NEDD4: variants seen among roughly 807,000 people sequenced by gnomAD.
The protein encoded by NEDD4 is E3 ubiquitin-protein ligase NEDD4.
NEDD4 carries 99 observed loss-of-function variants against 144.9 expected under a neutral mutation model. The observed-to-expected ratio is 0.68, with a 90% confidence interval of 0.58 to 0.81. The LOEUF (loss-of-function observed/expected upper bound fraction) is 0.81. NEDD4 is among the 30% of genes least tolerant of loss of function. The pLI is 0.00. For synonymous variants in NEDD4, 318 were observed against 350.6 expected, an observed-to-expected ratio of 0.91 and a Z score of 1.04; for missense variants, 985 against 1,065.9, an observed-to-expected ratio of 0.92 and a Z score of 1.06.
At chr15:55,968,297 T>G (rs1206340352) in intron 1 of NEDD4, among the ~76,000 whole-genome samples, 1 of 152,086 alleles carries the variant, frequency 6.6e-6, no homozygotes, top group African/African-American at 2.4e-5. Context: ...AAAGAAATTT[T>G]TAAAAGTTCA....
intron 5 of NEDD4, among the ~76,000 whole-genome samples, chr15:55,921,338 T>C (rs1211752354): frequency 6.6e-6 from 1 of 151,948 alleles, no homozygotes; most frequent in African/African-American, 2.4e-5. Flanking sequence ...TTTTTTTTTT[T>C]CGCCGAGACG....
chr15:55,925,729 C>A (rs1397491139), intron 4 of NEDD4, among the ~76,000 whole-genome samples: 2 of 152,164 alleles, frequency 1.3e-5, no homozygotes, highest in African/African-American at 4.8e-5. Flanking sequence ...ATACCTAACT[C>A]AGTGTCTACT....
At chr15:55,881,931 C>A (rs1292057428) in intron 5 of NEDD4, among the ~76,000 whole-genome samples, 1 of 152,072 alleles carries the variant, frequency 6.6e-6, no homozygotes, top group East Asian at 1.9e-4. Flanking sequence ...GTCAGTAGTA[C>A]CCGCCCTCCA....
At chr15:55,916,713 C>T (rs764424614) in intron 5 of NEDD4, 2 of 1,614,016 alleles carry the variant, frequency 1.2e-6, no homozygotes, top group East Asian at 2.2e-5. Context: ...CGTTGAAATC[C>T]GTGTTGGTCT....
intron 1 of NEDD4, chr15:55,991,831 G>C (rs2037993279): frequency 6.6e-6 from 1 of 152,234 alleles, no homozygotes; most frequent in Admixed American, 6.5e-5. Flanking sequence ...CAGCTGGGCA[G>C]AGGGGTGATG....
Position 55,923,838 on chromosome 15 carries a change from T to TA in NEDD4, c.291+807dup, listed in dbSNP as rs67519209. Among the ~76,000 whole-genome samples, 172 of 150,508 alleles carry TA rather than the reference T, an allele frequency of 1.1e-3. No homozygotes were observed. The East Asian group carries it at 0.016, about 14-fold the overall frequency. ...TTAACACTAAAAACAGACTTTTTTTTAAAAAAAAAGCTAGTTTCTCTGTTA... is the reference window on the plus strand; with the variant it reads ...TTAACACTAAAAACAGACTTTTTTTTAAAAAAAAAAGCTAGTTTCTCTGTTA... On this transcript the variant is annotated intron_variant, in intron 5 of 28. Coordinates refer to ENST00000435532, the MANE Select transcript of NEDD4 (RefSeq NM_006154.4).
At chr15:55,956,305 T>C (rs1428723023) in intron 2 of NEDD4, among the ~76,000 whole-genome samples, 1 of 152,238 alleles carries the variant, frequency 6.6e-6, no homozygotes, top group Admixed American at 6.5e-5. Context: ...AGAAAAGTTT[T>C]AATTGTGTTG....
chr15:55,982,627 T>C (rs151295682), intron 1 of NEDD4, among the ~76,000 whole-genome samples: 3 of 152,302 alleles, frequency 2.0e-5, no homozygotes, highest in East Asian at 1.9e-4. Flanking sequence ...CATTCTGGAA[T>C]GATGGGAATA....
intron 5 of NEDD4, among the ~76,000 whole-genome samples, chr15:55,911,692 G>A (rs2036281175): frequency 6.6e-6 from 1 of 151,918 alleles, no homozygotes; most frequent in African/African-American, 2.4e-5. Flanking sequence ...ACCATGCCCG[G>A]CTAATTTTTG....
chr15:55,853,315 C>T (rs527593934), intron 12 of NEDD4, among the ~76,000 whole-genome samples: 1 of 152,188 alleles, frequency 6.6e-6, no homozygotes, highest in South Asian at 2.1e-4. Context: ...ATAAAACATA[C>T]CAACAATAAC....
At chr15:55,840,552 CA>C in intron 20 of NEDD4, 35 bp from the exon 21 acceptor site, 1 of 1,613,250 alleles carries the variant, frequency 6.2e-7, no homozygotes, top group South Asian at 1.1e-5. Context: ...GGATGATTAC[CA>C]AGTGAAAGAA....
At chr15:55,956,609 C>T (rs2037342048) in intron 2 of NEDD4, among the ~76,000 whole-genome samples, 1 of 152,124 alleles carries the variant, frequency 6.6e-6, no homozygotes, top group Non-Finnish European at 1.5e-5. Context: ...TATTCTCTCT[C>T]TCGCTCTCTC....
chr15:55,989,019 T>C (rs2037944602), intron 1 of NEDD4, among the ~76,000 whole-genome samples: 2 of 152,184 alleles, frequency 1.3e-5, no homozygotes, highest in Non-Finnish European at 2.9e-5. Context: ...GCGGATCATC[T>C]GAGGTCAGGA....
intron 5 of NEDD4, among the ~76,000 whole-genome samples, chr15:55,903,606 C>T (rs898323338): frequency 6.6e-6 from 1 of 151,352 alleles, no homozygotes; most frequent in East Asian, 2.0e-4. Context: ...GGGTGGATCA[C>T]GAGGTCAGGA....
intron 5 of NEDD4, among the ~76,000 whole-genome samples, chr15:55,911,637 C>T (rs1376873721): frequency 6.6e-6 from 1 of 151,910 alleles, no homozygotes; most frequent in African/African-American, 2.4e-5. Flanking sequence ...CCACGCCATT[C>T]TCCTGCCTCA....
At chr15:55,840,820 C>T in intron 19 of NEDD4, 93 bp from the exon 20 acceptor site, 7 of 1,287,348 alleles carry the variant, frequency 5.4e-6, no homozygotes, top group East Asian at 2.3e-5. Context: ...AGTTGTTTAC[C>T]ACTGTTAGAA....
At chr15:55,942,353 T>C (rs2037023206) in intron 4 of NEDD4, among the ~76,000 whole-genome samples, 1 of 152,218 alleles carries the variant, frequency 6.6e-6, no homozygotes, top group Non-Finnish European at 1.5e-5. Flanking sequence ...TTTGGAATTA[T>C]GTCTCTGCCA....
At chr15:55,883,882 CT>C (rs71110349) in intron 5 of NEDD4, among the ~76,000 whole-genome samples, 65 of 140,904 alleles carry the variant, frequency 4.6e-4, no homozygotes, top group East Asian at 1.0e-3. Context: ...AGTGGCACTT[CT>C]TTTTTTTTTT....
At chr15:55,907,902 T>C (rs1378405408) in intron 5 of NEDD4, among the ~76,000 whole-genome samples, 1 of 152,188 alleles carries the variant, frequency 6.6e-6, no homozygotes, top group Admixed American at 6.5e-5. Context: ...TACCAGTTAG[T>C]GGAATATGTA....
Sources: allele counts gnomAD v4.1 joint callset (sites outside exome capture counted in the v4.1 genomes callset), GRCh38; gene constraint gnomAD v4.1.1; transcripts MANE v1.5; gene names NCBI Gene and HGNC (gene_info 2026-07-23, HGNC 2026-07-21).